Variants in CDKL1 observed in about 807,000 individuals in gnomAD.
The protein encoded by CDKL1 is cyclin dependent kinase like 1.
Under a neutral mutation model 42.0 loss-of-function variants are expected in CDKL1, and 41 were observed. That is an observed-to-expected ratio of 0.98 (90% CI 0.76 to 1.27). CDKL1 has a LOEUF of 1.27. CDKL1 is among the 50% of genes most tolerant of loss of function. The pLI, the probability that CDKL1 is intolerant of heterozygous loss-of-function variation, is 0.00. For synonymous variants in CDKL1, 153 were observed against 158.6 expected, an observed-to-expected ratio of 0.96 and a Z score of 0.26; for missense variants, 394 against 428.4, an observed-to-expected ratio of 0.92 and a Z score of 0.71.
intron 3 of CDKL1, chr14:50,357,913 A>C: frequency 2.0e-6 from 1 of 489,190 alleles, no homozygotes; most frequent in South Asian, 1.8e-5. Flanking sequence ...AGGCACAATG[A>C]AGAAGAATTA....
At chr14:50,356,731 A>AG (rs372535218) in intron 3 of CDKL1, among the ~76,000 whole-genome samples, 122 of 152,342 alleles carry the variant, frequency 8.0e-4, no homozygotes, top group African/African-American at 2.9e-3. Context: ...GATTTCCTTA[A>AG]TAAATCTTAT....
chr14:50,345,675 C>T (rs890548008), intron 3 of CDKL1, among the ~76,000 whole-genome samples: 3 of 152,142 alleles, frequency 2.0e-5, no homozygotes, highest in Non-Finnish European at 4.4e-5. Flanking sequence ...CTCTCTTGCT[C>T]CCCCATCGTA....
rs1391214908 is a variant in CDKL1 at position 50,327,497 on chromosome 14, A to T, written c.*2577T>A. The T allele has an allele frequency of 8.8e-6, 1 of 113,440 alleles. No individual in the cohort carries two copies. The highest frequency in any genetic ancestry group is 1.7e-5 in the Non-Finnish European group (1 of 60,306). The allele number at this position is 113,440 out of a possible 1,614,324, so 7.0% of individuals were successfully genotyped here. A position where few individuals can be genotyped will look rare whatever the true frequency, so the allele number is the denominator to read the frequency against. On this transcript the variant is annotated 3_prime_UTR_variant, in exon 10 of 10. Coordinates refer to ENST00000395834, the MANE Select transcript of CDKL1 (RefSeq NM_004196.7). ...TTTTTTTTTTTTGAGACAGACTCTC[A>T]CTCTGTTGCCCAGGTTGGAGTGCAG...
chr14:50,390,012 G>A, intron 2 of CDKL1: 1 of 555,304 alleles, frequency 1.8e-6, no homozygotes, highest in Admixed American at 2.0e-5. Flanking sequence ...ACCTTCTAAG[G>A]TTGTTATTAG....
chr14:50,352,886 C>G (rs532819278), intron 3 of CDKL1, among the ~76,000 whole-genome samples: 1 of 152,322 alleles, frequency 6.6e-6, no homozygotes, highest in Non-Finnish European at 1.5e-5. Flanking sequence ...TGAGTACTAG[C>G]TCATGCTTTC....
intron 3 of CDKL1, chr14:50,358,088 A>G: frequency 2.2e-6 from 3 of 1,359,456 alleles, no homozygotes; most frequent in Non-Finnish European, 3.0e-6. Flanking sequence ...TTTCTTGGAC[A>G]AGGCCTCTGT....
At chr14:50,388,045 C>T (rs777962778) in intron 2 of CDKL1, among the ~76,000 whole-genome samples, 6 of 152,150 alleles carry the variant, frequency 3.9e-5, no homozygotes, top group South Asian at 2.1e-4. Flanking sequence ...TACAGGTGCC[C>T]GCCACCACAC....
In CDKL1 at chr14:50,332,311, T is replaced by C; in HGVS notation, c.917A>G (p.Lys306Arg). 9 of 1,614,186 alleles carry C rather than the reference T, an allele frequency of 5.6e-6. No homozygotes were observed. The highest frequency in any genetic ancestry group is 7.6e-6 in the Non-Finnish European group (9 of 1,180,020). Residue 306 changes from lysine (K) to arginine (R), a missense_variant, in exon 9 of 10, where the codon AAG (lysine) becomes AGG (arginine). Transcript: ENST00000395834. ...GTGCTTTCGGCTCTTTCTTAGGGTC[T>C]TCCTTGTTGGTTTGTTGTGTTCTTT... is the stretch of plus-strand genomic sequence containing the variant. Reference protein sequence around the residue: ...LAKEHNKPTRKTLRKSRKHHC... With the variant: ...LAKEHNKPTRRTLRKSRKHHC...
At chr14:50,352,678 A>G (rs747912407) in intron 3 of CDKL1, among the ~76,000 whole-genome samples, 1 of 152,244 alleles carries the variant, frequency 6.6e-6, no homozygotes, top group South Asian at 2.1e-4. Context: ...CCATCTCATC[A>G]CAGAACACAG....
At chr14:50,397,232 T>C (rs925772616), upstream of CDKL1, 4 of 1,365,840 alleles carry the variant, frequency 2.9e-6, no homozygotes, top group African/African-American at 1.5e-5. Context: ...GAACCGCGGT[T>C]ATTCCCTTTG....
chr14:50,359,137 G>A lies in CDKL1; in HGVS notation c.181C>T (p.Pro61Ser). ...ACTTCCAGGAGGTTAACAAGGTTGGGATGCTTGAGTTGCTGAAAACACAAA... is the reference window on the plus strand; with the variant it reads ...ACTTCCAGGAGGTTAACAAGGTTGGAATGCTTGAGTTGCTGAAAACACAAA... ...EIRMLKQLKHPNLVNLLEVFR... is the reference protein window; with the variant it reads ...EIRMLKQLKHSNLVNLLEVFR... The change falls in exon 3 of 10, where the codon CCC becomes TCC. Residue 61 changes from proline to serine, a missense_variant. Pro to Ser is a moderately conservative substitution (Grantham distance 74). Coordinates refer to ENST00000395834, the MANE Select transcript of CDKL1 (RefSeq NM_004196.7). 2 of 1,608,268 alleles carry A rather than the reference G, an allele frequency of 1.2e-6. No individual in the cohort carries two copies. The highest frequency in any genetic ancestry group is 1.7e-5 in the Admixed American group (1 of 59,298).
chr14:50,378,072 C>G (rs1595359283), intron 2 of CDKL1: 2 of 1,063,054 alleles, frequency 1.9e-6, no homozygotes, highest in East Asian at 5.4e-5. Flanking sequence ...ATAGGGACAT[C>G]TACGAGAAAG....
chr14:50,385,031 A>G (rs904259572), intron 2 of CDKL1, among the ~76,000 whole-genome samples: 1 of 137,376 alleles, frequency 7.3e-6, no homozygotes, highest in African/African-American at 2.7e-5. Context: ...AGATCGCACC[A>G]CTGCACTTAA....
chr14:50,394,792 CT>C (rs11570786), intron 2 of CDKL1, among the ~76,000 whole-genome samples: 37,878 of 151,952 alleles, frequency 0.25, 5,264 homozygotes, highest in East Asian at 0.56. Flanking sequence ...TAATAAATAC[CT>C]TTCCCCCCTC....
At chr14:50,334,216 G>A (rs948450712) in intron 8 of CDKL1, 37 of 176,702 alleles carry the variant, frequency 2.1e-4, no homozygotes, top group African/African-American at 8.8e-4. Flanking sequence ...GAGTGCAGTC[G>A]TGCAATCTCA....
At position 50,338,902 on chromosome 14, in the gene CDKL1, T is replaced by C. The variant is rs2033405537; in HGVS notation, c.738+45A>G. 5 of 1,223,898 alleles carry C rather than the reference T, an allele frequency of 4.1e-6. No individual in the cohort carries two copies. The South Asian group carries it at 6.0e-5, about 15-fold the overall frequency. The allele number at this position is 1,223,898 out of a possible 1,614,324, so 75.8% of individuals were successfully genotyped here. A position where few individuals can be genotyped will look rare whatever the true frequency, so the allele number is the denominator to read the frequency against. On this transcript the variant is annotated intron_variant, in intron 7 of 9. Transcript: ENST00000395834. Reference sequence around the variant, plus strand: ...CAGGAGGTGAATAACAACCAAAGCCTAGCTAGCCTGGCCTACAGAGCTCTC... The same window carrying C: ...CAGGAGGTGAATAACAACCAAAGCCCAGCTAGCCTGGCCTACAGAGCTCTC...
At position 50,345,018 on chromosome 14, in the gene CDKL1, G is replaced by A. The variant is rs1010755627; in HGVS notation, c.331C>T (p.Leu111=). Residue 111 remains leucine (L), a synonymous_variant, in exon 4 of 10, where the codon CTG becomes TTG. Coordinates refer to ENST00000395834, the MANE Select transcript of CDKL1 (RefSeq NM_004196.7). ...HLVKSITWQT[L]QAVNFCHKHN... ...TTATGGCAAAAATTTACAGCTTGCA[G>A]TGTCTGCCAAGTTATGCTCTTCACG... is the stretch of plus-strand genomic sequence containing the variant. 1 of 1,614,090 alleles carries A rather than the reference G, an allele frequency of 6.2e-7. No homozygotes were observed.
At chr14:50,355,911 G>C (rs1013836811) in intron 3 of CDKL1, among the ~76,000 whole-genome samples, 9 of 152,368 alleles carry the variant, frequency 5.9e-5, no homozygotes, top group Middle Eastern at 3.4e-3. Context: ...CTGGTGGGGA[G>C]TGGGGTGGTA....
At chr14:50,385,910 T>C (rs2035069436) in intron 2 of CDKL1, among the ~76,000 whole-genome samples, 2 of 151,884 alleles carry the variant, frequency 1.3e-5, no homozygotes, top group South Asian at 2.1e-4. Context: ...ATTATATATA[T>C]AGTTCTATAA....
Sources: allele counts gnomAD v4.1 joint callset (sites outside exome capture counted in the v4.1 genomes callset), GRCh38; gene constraint gnomAD v4.1.1; transcripts MANE v1.5; gene names NCBI Gene and HGNC (gene_info 2026-07-23, HGNC 2026-07-21).